The following ARHGAP6 variants were observed in gnomAD, a reference collection of about 807,000 sequenced individuals.
ARHGAP6 encodes Rho GTPase activating protein 6.
Under a neutral mutation model 55.7 loss-of-function variants are expected in ARHGAP6, and 16 were observed. That is an observed-to-expected ratio of 0.29 (90% confidence interval 0.19 to 0.44). The LOEUF (loss-of-function observed/expected upper bound fraction) is 0.44. Among genes scored for constraint, ARHGAP6 ranks in the 20% least tolerant of loss-of-function variants. The pLI, the probability that ARHGAP6 is intolerant of heterozygous loss-of-function variation, is 1.00. For synonymous variants in ARHGAP6, 382 were observed against 360.9 expected, an observed-to-expected ratio of 1.06 and a Z score of -0.66; for missense variants, 698 against 808.9, an observed-to-expected ratio of 0.86 and a Z score of 1.66.
chrX:11,457,194 T>C (rs1049822636), intron 1 of ARHGAP6, among the ~76,000 whole-genome samples: 2 of 111,764 alleles, frequency 1.8e-5, no homozygotes, highest in Non-Finnish European at 3.8e-5. Flanking sequence ...TTAGAAGACA[T>C]GAGACACCTG....
chrX:11,613,048 G>C (rs886425607), intron 1 of ARHGAP6, among the ~76,000 whole-genome samples: 1 of 112,752 alleles, frequency 8.9e-6, no homozygotes, highest in African/African-American at 3.2e-5. Flanking sequence ...GTAGCAGATA[G>C]CTTCAGAAGC....
chrX:11,342,779 T>A (rs1185582839), intron 1 of ARHGAP6, among the ~76,000 whole-genome samples: 3 of 112,528 alleles, frequency 2.7e-5, no homozygotes, highest in Non-Finnish European at 5.6e-5. Context: ...TTAAATAGTT[T>A]TATTACCTCA....
Position 11,154,920 on chromosome X carries a change from A to C in ARHGAP6, c.1907+1609T>G, listed in dbSNP as rs751073089. ...TTCACTCATGGCTCTTGGGGCTTGAATCCAGGCCTTACTTTCAACAGAATT... is the reference window on the plus strand; with the variant it reads ...TTCACTCATGGCTCTTGGGGCTTGACTCCAGGCCTTACTTTCAACAGAATT... On this transcript the variant is annotated intron_variant, in intron 10 of 12. Transcript: ENST00000337414. Among the ~76,000 whole-genome samples the C allele has an allele frequency of 7.1e-5, 8 of 112,348 alleles. No individual in the cohort carries two copies. In the South Asian group the frequency reaches 3.0e-3, roughly 42 times the overall value.
At chrX:11,441,537 C>T (rs1253995206) in intron 1 of ARHGAP6, among the ~76,000 whole-genome samples, 1 of 111,282 alleles carries the variant, frequency 9.0e-6, no homozygotes, top group African/African-American at 3.3e-5. Context: ...TTCCAATGCC[C>T]CTAGTCCCCC....
chrX:11,549,313 C>T (rs1489149021), intron 1 of ARHGAP6, among the ~76,000 whole-genome samples: 2 of 112,056 alleles, frequency 1.8e-5, no homozygotes, highest in African/African-American at 6.5e-5. Flanking sequence ...AGCCTCTTCA[C>T]AGCAAGGGAA....
At chrX:11,275,495 T>C (rs1007349189) in intron 1 of ARHGAP6, among the ~76,000 whole-genome samples, 2 of 111,713 alleles carry the variant, frequency 1.8e-5, no homozygotes, top group African/African-American at 6.5e-5. Context: ...CCAGTTTCTG[T>C]GGATCCCACC....
At chrX:11,327,479 C>T (rs1284924868) in intron 1 of ARHGAP6, among the ~76,000 whole-genome samples, 1 of 111,986 alleles carries the variant, frequency 8.9e-6, no homozygotes, top group African/African-American at 3.2e-5. Flanking sequence ...GGATGTTTTG[C>T]AAAGTATCAA....
chrX:11,171,572 C>G (rs181599838), intron 8 of ARHGAP6, among the ~76,000 whole-genome samples: 1 of 111,975 alleles, frequency 8.9e-6, no homozygotes, highest in Admixed American at 9.4e-5. Flanking sequence ...TTTGTGAGCT[C>G]GGGTGAGCAC....
intron 1 of ARHGAP6, among the ~76,000 whole-genome samples, chrX:11,272,426 T>C (rs2047703668): frequency 9.0e-6 from 1 of 110,568 alleles, no homozygotes; most frequent in African/African-American, 3.3e-5. Context: ...CCAGGATCCA[T>C]AACTTTTCTC....
intron 1 of ARHGAP6, among the ~76,000 whole-genome samples, chrX:11,589,939 C>G (rs1330993828): frequency 8.9e-6 from 1 of 111,935 alleles, no homozygotes; most frequent in Non-Finnish European, 1.9e-5. Context: ...AATTATACAG[C>G]CTTTGATGGG....
At chrX:11,474,476 T>C (rs187031338) in intron 1 of ARHGAP6, among the ~76,000 whole-genome samples, 2 of 112,555 alleles carry the variant, frequency 1.8e-5, no homozygotes, top group African/African-American at 6.4e-5. Flanking sequence ...AGAAATGTTT[T>C]GGATGGTGGC....
intron 1 of ARHGAP6, among the ~76,000 whole-genome samples, chrX:11,511,988 G>GCCCA (rs2050789598): frequency 9.0e-6 from 1 of 110,727 alleles, no homozygotes; most frequent in African/African-American, 3.3e-5. Flanking sequence ...CACCACACCT[G>GCCCA]GCTAATTTTT....
chrX:11,450,019 G>A (rs906304532), intron 1 of ARHGAP6, among the ~76,000 whole-genome samples: 3 of 111,092 alleles, frequency 2.7e-5, no homozygotes, highest in Admixed American at 9.6e-5. Context: ...CACATTCCAC[G>A]ACCATGGACA....
At chrX:11,281,532 G>A (rs966137126) in intron 1 of ARHGAP6, among the ~76,000 whole-genome samples, 7 of 110,904 alleles carry the variant, frequency 6.3e-5, no homozygotes, top group Admixed American at 4.8e-4. Flanking sequence ...ACTAAACTAC[G>A]GGGTATCTAT....
intron 1 of ARHGAP6, among the ~76,000 whole-genome samples, chrX:11,357,713 G>C (rs775711687): frequency 5.0e-4 from 56 of 111,453 alleles, no homozygotes; most frequent in African/African-American, 1.8e-3. Context: ...ATGCTAATAA[G>C]TCTTTTAAAA....
chrX:11,289,715 A>T (rs1344085468), intron 1 of ARHGAP6, among the ~76,000 whole-genome samples: 1 of 112,067 alleles, frequency 8.9e-6, no homozygotes, highest in East Asian at 2.8e-4. Flanking sequence ...GGCCAGGCGC[A>T]GTGGCTCATG....
intron 2 of ARHGAP6, among the ~76,000 whole-genome samples, chrX:11,244,020 A>T (rs1005125890): frequency 2.7e-5 from 3 of 112,130 alleles, no homozygotes; most frequent in African/African-American, 9.7e-5. Context: ...GTCATTAAGC[A>T]ATGCATGACT....
At chrX:11,462,183 G>T in intron 1 of ARHGAP6, among the ~76,000 whole-genome samples, 1 of 111,752 alleles carries the variant, frequency 8.9e-6, no homozygotes, top group East Asian at 2.8e-4. Flanking sequence ...TTTCCTTCTT[G>T]TGCTTTAGAA....
At chrX:11,178,293 A>G (rs375499504) in intron 7 of ARHGAP6, 45 bp from the exon 8 acceptor site, 4 of 1,154,578 alleles carry the variant, frequency 3.5e-6, no homozygotes, top group Non-Finnish European at 3.5e-6. Context: ...GGGAGCCCAT[A>G]CTATTCAGGC....
Sources: gnomAD v4.1 joint callset for allele counts (sites outside exome capture counted in the v4.1 genomes callset) on GRCh38, gnomAD v4.1.1 for gene constraint, MANE v1.5 for transcripts, NCBI Gene and HGNC (gene_info 2026-07-23, HGNC 2026-07-21) for gene names.